The following HS3ST5 variants were observed in gnomAD, a reference collection of about 807,000 sequenced individuals.
HS3ST5 encodes the protein heparan sulfate glucosamine 3-O-sulfotransferase 5.
In HS3ST5, 10 loss-of-function variants were observed where a neutral mutation model predicts 25.4. The ratio of observed to expected loss-of-function variants is 0.39; its 90% CI spans 0.24 to 0.67. The LOEUF (loss-of-function observed/expected upper bound fraction) is 0.67, where lower values mean the gene tolerates loss of function less well. HS3ST5 is among the 30% of genes least tolerant of loss of function. The probability of loss-of-function intolerance (pLI) is 0.44; values close to 1 mark genes in which losing one functional copy is unlikely to be tolerated. For synonymous variants in HS3ST5, 170 were observed against 162.4 expected (o/e 1.05, Z -0.36); for missense variants, 324 against 420.7 (o/e 0.77, Z 2.01).
intron 3 of HS3ST5, among the ~76,000 whole-genome samples, chr6:114,088,263 C>T (rs1367399749): frequency 6.6e-6 from 1 of 152,162 alleles, no homozygotes; most frequent in Non-Finnish European, 1.5e-5. Context: ...TCACATCTGG[C>T]TGTAATCTCC....
chr6:114,332,125 T>G (rs1193058514), intron 1 of HS3ST5, among the ~76,000 whole-genome samples: 1 of 152,150 alleles, frequency 6.6e-6, no homozygotes, highest in Non-Finnish European at 1.5e-5. Context: ...AGACTATTAT[T>G]ACAGAAATGG....
At chr6:114,307,082 G>T (rs1352926663) in intron 1 of HS3ST5, among the ~76,000 whole-genome samples, 5 of 152,156 alleles carry the variant, frequency 3.3e-5, no homozygotes, top group Non-Finnish European at 7.4e-5. Context: ...CATAATTAGA[G>T]AAAATGTGGA....
rs146155426 is a variant in HS3ST5, at chr6:114,086,524, C to G, written c.-32-23647G>C. On this transcript the variant is annotated intron_variant, in intron 3 of 4. Coordinates refer to ENST00000312719, the MANE Select transcript of HS3ST5 (RefSeq NM_153612.4). ...ATTCTTCCCGAGAGTCATCTCCAGACGAGAGCACAATCCACCTGACAGCTT... is the reference window on the plus strand; with the variant it reads ...ATTCTTCCCGAGAGTCATCTCCAGAGGAGAGCACAATCCACCTGACAGCTT... 7.1e-3 allele frequency among the ~76,000 whole-genome samples: 1,083 copies of G among 152,274 alleles called. 8 individuals carry two copies. The highest frequency in any genetic ancestry group is 0.013 in the Non-Finnish European group (864 of 68,014).
intron 2 of HS3ST5, among the ~76,000 whole-genome samples, chr6:114,205,338 C>T (rs1178293339): frequency 2.0e-5 from 3 of 152,056 alleles, no homozygotes; most frequent in Non-Finnish European, 4.4e-5. Flanking sequence ...ACTGTACTTA[C>T]AATAACCAGC....
intron 3 of HS3ST5, among the ~76,000 whole-genome samples, chr6:114,133,981 A>G (rs1777472022): frequency 6.6e-6 from 1 of 152,036 alleles, no homozygotes. Flanking sequence ...TGAGAGAGAG[A>G]GAGAGACAGA....
At chr6:114,310,246 A>T (rs1400500713) in intron 1 of HS3ST5, among the ~76,000 whole-genome samples, 1 of 152,230 alleles carries the variant, frequency 6.6e-6, no homozygotes, top group East Asian at 1.9e-4. Context: ...CAGTACATTT[A>T]TTGCACAATA....
chr6:114,161,193 G>A (rs772393015), intron 3 of HS3ST5, among the ~76,000 whole-genome samples: 5 of 151,778 alleles, frequency 3.3e-5, no homozygotes, highest in Non-Finnish European at 7.4e-5. Context: ...GATATCAAAC[G>A]GCCTTCGTGG....
At chr6:114,326,955 T>C (rs1312735421) in intron 1 of HS3ST5, among the ~76,000 whole-genome samples, 1 of 152,144 alleles carries the variant, frequency 6.6e-6, no homozygotes, top group East Asian at 1.9e-4. Context: ...AGCTTTGTGG[T>C]TTAATATTCA....
intron 1 of HS3ST5, among the ~76,000 whole-genome samples, chr6:114,258,605 G>C (rs1773035146): frequency 6.6e-6 from 1 of 152,110 alleles, no homozygotes; most frequent in South Asian, 2.1e-4. Flanking sequence ...CTTGGGGCCA[G>C]AGCACCTCTT....
intron 1 of HS3ST5, among the ~76,000 whole-genome samples, chr6:114,232,947 T>C (rs1020397425): frequency 6.6e-6 from 1 of 152,176 alleles, no homozygotes; most frequent in South Asian, 2.1e-4. Context: ...GTAAAAACTT[T>C]TAATACCTTT....
At chr6:114,225,181 CT>C (rs1782235023) in intron 2 of HS3ST5, among the ~76,000 whole-genome samples, 1 of 151,780 alleles carries the variant, frequency 6.6e-6, no homozygotes, top group African/African-American at 2.4e-5. Flanking sequence ...CAAAATTCAT[CT>C]CCTTGAAACT....
intron 3 of HS3ST5, among the ~76,000 whole-genome samples, chr6:114,080,911 G>T (rs1229398114): frequency 6.6e-6 from 1 of 152,088 alleles, no homozygotes. Flanking sequence ...ACTTGCACAT[G>T]TACCCCCTGA....
chr6:114,233,185 A>G (rs1040863129), intron 1 of HS3ST5, among the ~76,000 whole-genome samples: 1 of 152,052 alleles, frequency 6.6e-6, no homozygotes, highest in Non-Finnish European at 1.5e-5. Context: ...ATCATGAAGC[A>G]CCTTGTGTTA....
intron 4 of HS3ST5, chr6:114,059,344 T>G (rs1454384005): frequency 6.6e-6 from 1 of 152,210 alleles, no homozygotes; most frequent in Non-Finnish European, 1.5e-5. Context: ...AAGCTTCCAG[T>G]TATTCTAATA....
Position 114,277,014 on chromosome 6 carries a change from A to G in HS3ST5, c.-338-48236T>C, listed in dbSNP as rs552270922. ...TGCATTTGGCAAAGAATGAACATCA[A>G]TATGACTTTTCAGCTTTACCCTTTC... On this transcript the variant is annotated intron_variant, in intron 1 of 4. Coordinates refer to ENST00000312719, the MANE Select transcript of HS3ST5 (RefSeq NM_153612.4). Among the ~76,000 whole-genome samples, 9 of 152,098 alleles carry G rather than the reference A, an allele frequency of 5.9e-5. No homozygotes were observed. The South Asian group carries it at 1.0e-3, about 18-fold the overall frequency.
intron 3 of HS3ST5, among the ~76,000 whole-genome samples, chr6:114,093,909 T>G (rs531127782): frequency 6.6e-6 from 1 of 152,222 alleles, no homozygotes; most frequent in South Asian, 2.1e-4. Context: ...GTATAGCAAA[T>G]AGAGCACCAG....
chr6:114,287,228 G>A (rs1351780595), intron 1 of HS3ST5, among the ~76,000 whole-genome samples: 5 of 151,818 alleles, frequency 3.3e-5, no homozygotes, highest in Non-Finnish European at 7.4e-5. Context: ...ATAACATTGA[G>A]CACTTACTCT....
chr6:114,074,699 A>T (rs1257317534), intron 3 of HS3ST5, among the ~76,000 whole-genome samples: 1 of 152,164 alleles, frequency 6.6e-6, no homozygotes, highest in Non-Finnish European at 1.5e-5. Context: ...TTCTCTAAAT[A>T]AAATAACCTA....
At chr6:114,230,572 ATG>A (rs1220983906) in intron 1 of HS3ST5, among the ~76,000 whole-genome samples, 1 of 147,382 alleles carries the variant, frequency 6.8e-6, no homozygotes, top group Non-Finnish European at 1.5e-5. Flanking sequence ...ATGCTATAGT[ATG>A]TTCTGTAATT....
Sources: allele counts gnomAD v4.1 joint callset (sites outside exome capture counted in the v4.1 genomes callset), GRCh38; gene constraint gnomAD v4.1.1; transcripts MANE v1.5; gene names NCBI Gene and HGNC (gene_info 2026-07-23, HGNC 2026-07-21).